The following GALNT17 variants were observed in gnomAD, a reference collection of about 807,000 sequenced individuals.
GALNT17 encodes polypeptide N-acetylgalactosaminyltransferase 17.
Under a neutral mutation model 63.7 loss-of-function variants are expected in GALNT17, and 29 were observed. That is an observed-to-expected ratio of 0.46 (90% CI 0.34 to 0.62). The LOEUF is 0.62. Ranked by LOEUF, GALNT17 falls within the 20% of genes least tolerant of loss-of-function variation. GALNT17 has a pLI of 0.01. For missense variants in GALNT17, 603 were observed against 799.6 expected (o/e 0.75, Z 2.97); for synonymous variants, 305 against 318.3 (o/e 0.96, Z 0.45).
At chr7:71,241,059 T>C (rs1354564432) in intron 1 of GALNT17, among the ~76,000 whole-genome samples, 1 of 152,202 alleles carries the variant, frequency 6.6e-6, no homozygotes, top group Admixed American at 6.5e-5. Flanking sequence ...ATCAGATAGT[T>C]CTGTTGCTCT....
intron 2 of GALNT17, among the ~76,000 whole-genome samples, chr7:71,387,452 A>T (rs1478393183): frequency 6.6e-6 from 1 of 151,762 alleles, no homozygotes; most frequent in East Asian, 2.0e-4. Context: ...CAGCCTCCCA[A>T]GTAGCTGTGA....
At chr7:71,693,680 G>T (rs1327311257) in intron 9 of GALNT17, among the ~76,000 whole-genome samples, 1 of 151,736 alleles carries the variant, frequency 6.6e-6, no homozygotes, top group Non-Finnish European at 1.5e-5. Context: ...GGAGGGAGGG[G>T]ATCAGGAAAA....
intron 2 of GALNT17, among the ~76,000 whole-genome samples, chr7:71,384,499 G>T (rs146290006): frequency 6.6e-6 from 1 of 152,172 alleles, no homozygotes; most frequent in Admixed American, 6.5e-5. Flanking sequence ...CACAGTTTCC[G>T]TCCCATGTTG....
intron 5 of GALNT17, among the ~76,000 whole-genome samples, chr7:71,514,187 C>CCTAT (rs1395662037): frequency 7.9e-5 from 12 of 151,970 alleles, no homozygotes; most frequent in Admixed American, 3.9e-4. Flanking sequence ...AGAGCAAGAC[C>CCTAT]CTATCTCAAA....
rs146738344 is a variant in GALNT17 at position 71,163,840 on chromosome 7, G to A, written c.238+30800G>A. On this transcript the variant is annotated intron_variant, in intron 1 of 10. Coordinates refer to ENST00000333538, the MANE Select transcript of GALNT17 (RefSeq NM_022479.3). Reference sequence around the variant, plus strand: ...TGTAGTGATTGCCATCTGTGGGTCCGGAATCAATGTAATATTTATGGGATT... The same window carrying A: ...TGTAGTGATTGCCATCTGTGGGTCCAGAATCAATGTAATATTTATGGGATT... 2.2e-4 allele frequency among the ~76,000 whole-genome samples: 33 copies of A among 152,250 alleles called. 1 individual carries two copies. In the South Asian group the frequency reaches 5.4e-3, roughly 25 times the overall value.
At chr7:71,291,058 G>A (rs748039396) in intron 1 of GALNT17, among the ~76,000 whole-genome samples, 1 of 152,200 alleles carries the variant, frequency 6.6e-6, no homozygotes, top group Non-Finnish European at 1.5e-5. Flanking sequence ...CTTTGGCATA[G>A]TGCTTGGTAC....
intron 9 of GALNT17, among the ~76,000 whole-genome samples, chr7:71,684,318 G>A (rs780068689): frequency 6.6e-6 from 1 of 152,186 alleles, no homozygotes; most frequent in Non-Finnish European, 1.5e-5. Context: ...GAAAGGCAAA[G>A]GTGCTATCAG....
intron 6 of GALNT17, among the ~76,000 whole-genome samples, chr7:71,578,004 C>CATTTATTT (rs60916222): frequency 0.021 from 3,037 of 143,296 alleles, 45 homozygotes; most frequent in Non-Finnish European, 0.03. Context: ...GGGTTGTTTA[C>CATTTATTT]ATTTATTTAT....
chr7:71,329,917 ATGTG>A (rs71089937), intron 1 of GALNT17, among the ~76,000 whole-genome samples: 3 of 146,862 alleles, frequency 2.0e-5, no homozygotes, highest in Admixed American at 1.3e-4. Context: ...ATATATATGT[ATGTG>A]TGTGTGTGTG....
Position 71,568,978 on chromosome 7 carries a change from T to G in GALNT17, c.963-2307T>G, listed in dbSNP as rs539054933. ...ATGATTTATCAATTGATTGATTGATTGATTGATTTTTGAGATGGAGCCTCA... is the reference window on the plus strand; with the variant it reads ...ATGATTTATCAATTGATTGATTGATGGATTGATTTTTGAGATGGAGCCTCA... On this transcript the variant is annotated intron_variant, in intron 5 of 10. Transcript: ENST00000333538. 9.9e-5 allele frequency among the ~76,000 whole-genome samples: 15 copies of G among 152,188 alleles called. No individual in the cohort carries two copies. The South Asian group carries it at 3.1e-3, about 32-fold the overall frequency.
At chr7:71,150,593 C>A (rs1788112134) in intron 1 of GALNT17, among the ~76,000 whole-genome samples, 4 of 151,030 alleles carry the variant, frequency 2.6e-5, no homozygotes, top group Non-Finnish European at 5.9e-5. Flanking sequence ...TCACTGCAAG[C>A]TCCGCCTCCC....
At chr7:71,654,502 A>G (rs909216918) in intron 6 of GALNT17, among the ~76,000 whole-genome samples, 4 of 152,232 alleles carry the variant, frequency 2.6e-5, no homozygotes, top group African/African-American at 9.6e-5. Flanking sequence ...ATAGTGGTGT[A>G]CCTACTTCCC....
chr7:71,374,046 G>A lies in GALNT17; in HGVS notation c.423-14189G>A, dbSNP rs141161034. ...TTGTTTCCATAGAAATATTTACAAA[G>A]GTAACATTTATAGTATTTTTTAAAT... On this transcript the variant is annotated intron_variant, in intron 2 of 10. Transcript: ENST00000333538. 5.6e-4 allele frequency among the ~76,000 whole-genome samples: 85 copies of A among 152,238 alleles called. No homozygotes were observed. In the East Asian group the frequency reaches 0.016, roughly 28 times the overall value.
intron 9 of GALNT17, among the ~76,000 whole-genome samples, chr7:71,680,599 T>C (rs147473597): frequency 0.11 from 67 of 598 alleles, 26 homozygotes; most frequent in Non-Finnish European, 0.61. Context: ...TCCCTCTCTC[T>C]CTTCCTCCCT....
chr7:71,678,687 C>T (rs141606689), intron 9 of GALNT17, among the ~76,000 whole-genome samples: 3,412 of 151,552 alleles, frequency 0.023, 125 homozygotes, highest in African/African-American at 0.076. Flanking sequence ...CCCAGCTACT[C>T]GGGAGGCTGA....
chr7:71,611,690 T>G (rs932730472), intron 6 of GALNT17, among the ~76,000 whole-genome samples: 2 of 151,850 alleles, frequency 1.3e-5, no homozygotes, highest in Non-Finnish European at 2.9e-5. Flanking sequence ...CACATTAAAC[T>G]CCTAGGAAAA....
At chr7:71,266,783 T>C (rs1364419797) in intron 1 of GALNT17, among the ~76,000 whole-genome samples, 2 of 152,140 alleles carry the variant, frequency 1.3e-5, no homozygotes, top group Non-Finnish European at 2.9e-5. Context: ...GCTCTGCTGC[T>C]CTACCGGGTT....
intron 1 of GALNT17, among the ~76,000 whole-genome samples, chr7:71,253,607 G>A (rs1790239951): frequency 6.7e-6 from 1 of 150,038 alleles, no homozygotes; most frequent in East Asian, 2.0e-4. Context: ...GAAAAACCAT[G>A]AATCACTGAT....
intron 5 of GALNT17, among the ~76,000 whole-genome samples, chr7:71,499,866 T>C (rs1027350810): frequency 2.0e-5 from 3 of 152,146 alleles, no homozygotes; most frequent in Non-Finnish European, 4.4e-5. Context: ...GATAATTGGA[T>C]CATGGGGGTG....
Sources: gnomAD v4.1 joint callset for allele counts (sites outside exome capture counted in the v4.1 genomes callset) on GRCh38, gnomAD v4.1.1 for gene constraint, MANE v1.5 for transcripts, NCBI Gene and HGNC (gene_info 2026-07-23, HGNC 2026-07-21) for gene names.